The following MCTP1 variants were observed in gnomAD, a reference collection of about 807,000 sequenced individuals.
The protein encoded by MCTP1 is multiple C2 and transmembrane domain-containing protein 1.
MCTP1 carries 69 observed loss-of-function variants against 120.6 expected under a neutral mutation model. The observed-to-expected ratio is 0.57, with a 90% CI of 0.47 to 0.70. The LOEUF (loss-of-function observed/expected upper bound fraction) is 0.70, where lower values mean the gene tolerates loss of function less well. Among genes scored for constraint, MCTP1 ranks in the 30% least tolerant of loss-of-function variants. The pLI is 0.00. For missense variants in MCTP1, 1,203 were observed against 1,248.8 expected (o/e 0.96, Z 0.55); for synonymous variants, 529 against 493.1 (o/e 1.07, Z -0.96).
In MCTP1 at chr5:94,870,950, G is replaced by A. The variant is rs1184285670; in HGVS notation, c.2163C>T (p.Ala721=). ...LLSIQNGEQK[A]YVLKNKQLTG... ...TCAGCTGCTTGTTTTTCAAGACGTAGGCTTTCTGTTCACCATTTTGAATCT... is the reference window on the plus strand; with the variant it reads ...TCAGCTGCTTGTTTTTCAAGACGTAAGCTTTCTGTTCACCATTTTGAATCT... Residue 721 remains alanine (A), a synonymous_variant, in exon 15 of 23, where the codon GCC becomes GCT. Transcript: ENST00000515393. 8 of 1,613,046 alleles carry A rather than the reference G, an allele frequency of 5.0e-6. No individual in the cohort carries two copies. Among genetic ancestry groups the A allele is most frequent in the Non-Finnish European group, 6.8e-6 (8 of 1,179,408 alleles).
chr5:94,951,153 A>G (rs1259067612), intron 3 of MCTP1, among the ~76,000 whole-genome samples: 1 of 152,000 alleles, frequency 6.6e-6, no homozygotes, highest in Non-Finnish European at 1.5e-5. Flanking sequence ...TTATCATTCC[A>G]CTGTCTATGC....
chr5:94,894,885 C>G, intron 10 of MCTP1, 50 bp from the exon 11 acceptor site: 1 of 933,322 alleles, frequency 1.1e-6, no homozygotes, highest in Non-Finnish European at 1.6e-6. Flanking sequence ...TTTTTTTTGC[C>G]ATATCAAACA....
At chr5:94,730,926 ACACACACACTCCACACACACACACTC>A (rs1261523119) in intron 19 of MCTP1, among the ~76,000 whole-genome samples, 1 of 7,880 alleles carries the variant, frequency 1.3e-4, no homozygotes, top group Non-Finnish European at 3.1e-4. Flanking sequence ...CACACTCCAC[ACACACACACTCCACACACACACACTC>A]CACACACACA....
rs1178520983 is a variant in MCTP1 at position 95,075,822 on chromosome 5, G to A, written c.721-58338C>T. ...TATTCCCATTATCAGTGGCTTCCTA[G>A]TGGTAATCTGGATACTTGTGGAATT... is the stretch of plus-strand genomic sequence containing the variant. On this transcript the variant is annotated intron_variant, in intron 1 of 22. Transcript: ENST00000515393. Among the ~76,000 whole-genome samples the A allele has an allele frequency of 2.0e-5, 3 of 152,150 alleles. No individual in the cohort carries two copies. The East Asian group carries it at 5.8e-4, about 29-fold the overall frequency.
At chr5:95,245,496 C>G (rs904886494) in intron 1 of MCTP1, among the ~76,000 whole-genome samples, 2 of 151,980 alleles carry the variant, frequency 1.3e-5, no homozygotes, top group Non-Finnish European at 2.9e-5. Flanking sequence ...CCTGATGGAG[C>G]TGAAAACCAC....
intron 20 of MCTP1, among the ~76,000 whole-genome samples, chr5:94,712,365 G>GTT (rs903658942): frequency 2.0e-5 from 3 of 151,208 alleles, no homozygotes; most frequent in Non-Finnish European, 2.9e-5. Flanking sequence ...GGATAAATGT[G>GTT]TTTTTTATTT....
intron 5 of MCTP1, among the ~76,000 whole-genome samples, chr5:94,938,656 C>T (rs1178909284): frequency 6.6e-6 from 1 of 151,948 alleles, no homozygotes; most frequent in Non-Finnish European, 1.5e-5. Flanking sequence ...CCTGGGTTCT[C>T]CACTGGGTCT....
At chr5:95,099,268 A>T (rs1423918381) in intron 1 of MCTP1, among the ~76,000 whole-genome samples, 1 of 152,222 alleles carries the variant, frequency 6.6e-6, no homozygotes, top group African/African-American at 2.4e-5. Context: ...CAAAATTGAC[A>T]AATGGGATCT....
chr5:95,079,682 C>A lies in MCTP1; in HGVS notation c.721-62198G>T, dbSNP rs367613862. On this transcript the variant is annotated intron_variant, in intron 1 of 22. Coordinates refer to ENST00000515393, the MANE Select transcript of MCTP1 (RefSeq NM_024717.7). The stretch of plus-strand genomic sequence containing the variant: ...TATCTCTTGAAACTATACATTGCAG[C>A]ACAGGATATGAAGATAGCATACACT... Among the ~76,000 whole-genome samples, 14 of 151,896 alleles carry A rather than the reference C, an allele frequency of 9.2e-5. No homozygotes were observed. In the South Asian group the frequency reaches 1.3e-3, roughly 14 times the overall value.
rs554327339 is a variant in MCTP1 at position 95,127,495 on chromosome 5, T to C, written c.721-110011A>G. ...CTGGGCAGGTTCAGGGCAGTGGAGG[T>C]GGTGGTGCAGTCTTGGGCAACTTGG... On this transcript the variant is annotated intron_variant, in intron 1 of 22. Coordinates refer to ENST00000515393, the MANE Select transcript of MCTP1 (RefSeq NM_024717.7). Among the ~76,000 whole-genome samples, 228 of 151,694 alleles carry C rather than the reference T, an allele frequency of 1.5e-3. 1 individual carries two copies. The highest frequency in any genetic ancestry group is 2.8e-3 in the Non-Finnish European group (187 of 67,944).
At chr5:94,755,296 C>T (rs925226745) in intron 19 of MCTP1, among the ~76,000 whole-genome samples, 2 of 152,172 alleles carry the variant, frequency 1.3e-5, no homozygotes, top group African/African-American at 4.8e-5. Flanking sequence ...ATCCTCCCCT[C>T]TTCTAGCTCT....
At chr5:94,819,146 C>T (rs173870) in intron 17 of MCTP1, among the ~76,000 whole-genome samples, 127,558 of 149,872 alleles carry the variant, frequency 0.85, 54,905 homozygotes, top group East Asian at 0.98. Flanking sequence ...TTCATTCATT[C>T]GAGATGGAGT....
intron 1 of MCTP1, among the ~76,000 whole-genome samples, chr5:95,073,135 G>T (rs920710764): frequency 6.6e-6 from 1 of 152,120 alleles, no homozygotes; most frequent in Non-Finnish European, 1.5e-5. Flanking sequence ...AGCTTGCAAG[G>T]CCTTCTTTCA....
intron 1 of MCTP1, among the ~76,000 whole-genome samples, chr5:95,276,150 T>C (rs1759809055): frequency 6.6e-6 from 1 of 151,554 alleles, no homozygotes; most frequent in South Asian, 2.1e-4. Flanking sequence ...AATGTAAATA[T>C]CACTTGGCCA....
intron 1 of MCTP1, among the ~76,000 whole-genome samples, chr5:95,095,949 A>G (rs1756234043): frequency 1.3e-5 from 2 of 152,180 alleles, no homozygotes; most frequent in Admixed American, 6.5e-5. Context: ...GGGGGAAACG[A>G]GACCTCCAAG....
intron 3 of MCTP1, among the ~76,000 whole-genome samples, chr5:94,943,427 A>T (rs1655846156): frequency 6.6e-6 from 1 of 152,102 alleles, no homozygotes; most frequent in Non-Finnish European, 1.5e-5. Context: ...TAATGGAAGG[A>T]TGCTGGAGGG....
At chr5:95,141,429 G>A (rs1350306421) in intron 1 of MCTP1, among the ~76,000 whole-genome samples, 2 of 152,196 alleles carry the variant, frequency 1.3e-5, no homozygotes, top group East Asian at 1.9e-4. Flanking sequence ...GCCTCTCAGC[G>A]TCTAGCCCTT....
intron 11 of MCTP1, among the ~76,000 whole-genome samples, chr5:94,889,331 G>C (rs748581201): frequency 6.6e-6 from 1 of 152,148 alleles, no homozygotes; most frequent in Non-Finnish European, 1.5e-5. Flanking sequence ...GCTTACACCT[G>C]TAATCCCAGC....
intron 19 of MCTP1, among the ~76,000 whole-genome samples, chr5:94,763,377 T>A (rs1320123620): frequency 6.6e-6 from 1 of 152,140 alleles, no homozygotes; most frequent in Non-Finnish European, 1.5e-5. Context: ...TTCCCTCGAC[T>A]CTCCCTCCTG....
Sources: allele counts gnomAD v4.1 joint callset (sites outside exome capture counted in the v4.1 genomes callset), GRCh38; gene constraint gnomAD v4.1.1; transcripts MANE v1.5; gene names NCBI Gene and HGNC (gene_info 2026-07-23, HGNC 2026-07-21).